The following PCDH15 variants were observed in gnomAD, a reference collection of about 807,000 sequenced individuals.
PCDH15 encodes protocadherin-15.
Under a neutral mutation model 178.5 loss-of-function variants are expected in PCDH15, and 129 were observed. That is an observed-to-expected ratio of 0.72 (90% CI 0.63 to 0.84). PCDH15 has a LOEUF of 0.84. Among genes scored for constraint, PCDH15 ranks in the 40% least tolerant of loss-of-function variants. PCDH15 has a pLI of 0.00. For synonymous variants in PCDH15, 800 were observed against 732.0 expected (o/e 1.09, Z -1.50); for missense variants, 2,230 against 2,099.9 (o/e 1.06, Z -1.21).
chr10:53,977,586 A>G (rs1323495921), intron 21 of PCDH15, among the ~76,000 whole-genome samples: 1 of 152,096 alleles, frequency 6.6e-6, no homozygotes, highest in Non-Finnish European at 1.5e-5. Flanking sequence ...ACATCATTCC[A>G]CCCTGGCCCC....
intron 1 of PCDH15, among the ~76,000 whole-genome samples, chr10:55,280,924 C>T (rs1383388028): frequency 2.0e-5 from 3 of 152,020 alleles, no homozygotes; most frequent in Non-Finnish European, 2.9e-5. Flanking sequence ...AGTGATAATA[C>T]AATTACTGAA....
At chr10:54,794,098 A>G (rs1257603108) in intron 1 of PCDH15, among the ~76,000 whole-genome samples, 2 of 147,200 alleles carry the variant, frequency 1.4e-5, no homozygotes, top group Non-Finnish European at 3.0e-5. Flanking sequence ...TTTAAGATAT[A>G]TATTTCTTTC....
intron 2 of PCDH15, among the ~76,000 whole-genome samples, chr10:55,030,508 C>G (rs1367093275): frequency 6.6e-6 from 1 of 151,976 alleles, no homozygotes; most frequent in Non-Finnish European, 1.5e-5. Flanking sequence ...ACAATCTGGA[C>G]GCTGAGCTCA....
At chr10:55,596,180 T>C (rs1842931724) in intron 2 of PCDH15, among the ~76,000 whole-genome samples, 1 of 152,066 alleles carries the variant, frequency 6.6e-6, no homozygotes, top group African/African-American at 2.4e-5. Context: ...ACAGCAAAAA[T>C]AATAAAATTA....
intron 2 of PCDH15, among the ~76,000 whole-genome samples, chr10:55,086,475 G>A (rs2132031213): frequency 6.6e-6 from 1 of 152,112 alleles, no homozygotes; most frequent in Admixed American, 6.6e-5. Context: ...TTACTTTTAT[G>A]TTTGCAAGTC....
At position 54,274,826 on chromosome 10, in the gene PCDH15, T is replaced by C. The variant is rs532273635; in HGVS notation, c.877-37895A>G. ...ATTTAAATTCCATTCATGGTAAAGA[T>C]TCTTAGCAAATAAAGAATAAATTGA... On this transcript the variant is annotated intron_variant, in intron 8 of 37. Coordinates refer to ENST00000644397, the MANE Select transcript of PCDH15 (RefSeq NM_001384140.1). Among the ~76,000 whole-genome samples, 9 of 152,130 alleles carry C rather than the reference T, an allele frequency of 5.9e-5. No individual in the cohort carries two copies. In the Middle Eastern group the frequency reaches 0.01, roughly 172 times the overall value.
At chr10:54,754,679 A>C (rs1230346573) in intron 1 of PCDH15, among the ~76,000 whole-genome samples, 1 of 152,042 alleles carries the variant, frequency 6.6e-6, no homozygotes, top group Non-Finnish European at 1.5e-5. Context: ...ATTACCTTAG[A>C]TTCCAATTCA....
chr10:53,995,817 T>C (rs559623514), intron 20 of PCDH15, 52 bp from the exon 21 acceptor site: 24 of 1,503,772 alleles, frequency 1.6e-5, no homozygotes, highest in East Asian at 2.3e-5. Context: ...AGGTTAGGGA[T>C]ACAGTTACTA....
At chr10:54,360,318 C>T (rs768855599) in intron 5 of PCDH15, among the ~76,000 whole-genome samples, 1 of 152,094 alleles carries the variant, frequency 6.6e-6, no homozygotes, top group South Asian at 2.1e-4. Context: ...GCTATATAAA[C>T]CGGCAATTTT....
At chr10:55,352,016 C>T (rs889496955) in intron 2 of PCDH15, among the ~76,000 whole-genome samples, 1 of 152,106 alleles carries the variant, frequency 6.6e-6, no homozygotes, top group Non-Finnish European at 1.5e-5. Context: ...CATTCTCTCC[C>T]TAAACCTTTG....
At chr10:55,089,093 G>A (rs1842251482) in intron 2 of PCDH15, among the ~76,000 whole-genome samples, 1 of 152,102 alleles carries the variant, frequency 6.6e-6, no homozygotes, top group Admixed American at 6.6e-5. Context: ...CTTTGAATAC[G>A]ATTATGTGAC....
In PCDH15 at chr10:54,473,762, A is replaced by T. The variant is rs7096839; in HGVS notation, c.157+54050T>A. 9.3e-3 allele frequency among the ~76,000 whole-genome samples: 1,421 copies of T among 152,070 alleles called. 14 individuals carry two copies. Among genetic ancestry groups the T allele is most frequent in the African/African-American group, 0.032 (1,333 of 41,554 alleles). On this transcript the variant is annotated intron_variant, in intron 3 of 37. Coordinates refer to ENST00000644397, the MANE Select transcript of PCDH15 (RefSeq NM_001384140.1). Reference sequence around the variant, plus strand: ...TTATCTTCAAGTAAACAAGAAATACATGAGTAACCCTCAGCATATTATAAA... The same window carrying T: ...TTATCTTCAAGTAAACAAGAAATACTTGAGTAACCCTCAGCATATTATAAA...
At chr10:54,443,771 C>A (rs1589438535) in intron 3 of PCDH15, among the ~76,000 whole-genome samples, 1 of 151,548 alleles carries the variant, frequency 6.6e-6, no homozygotes, top group South Asian at 2.1e-4. Context: ...TCTTTATTTT[C>A]ATTCTAGTGT....
At chr10:54,083,301 A>G (rs903660332) in intron 16 of PCDH15, among the ~76,000 whole-genome samples, 1 of 152,176 alleles carries the variant, frequency 6.6e-6, no homozygotes, top group Non-Finnish European at 1.5e-5. Flanking sequence ...AAAGCCAAAC[A>G]CAGGTACTTA....
chr10:53,939,195 A>G (rs2085838089), intron 24 of PCDH15, among the ~76,000 whole-genome samples: 1 of 152,008 alleles, frequency 6.6e-6, no homozygotes, highest in South Asian at 2.1e-4. Flanking sequence ...TTGTTTTGAG[A>G]TAATCCTGGA....
In PCDH15 at chr10:53,851,890, G is replaced by T. The variant is rs546023658; in HGVS notation, c.3806+5285C>A. 2.0e-5 allele frequency among the ~76,000 whole-genome samples: 3 copies of T among 151,366 alleles called. No individual in the cohort carries two copies. The South Asian group carries it at 6.2e-4, about 32-fold the overall frequency. On this transcript the variant is annotated intron_variant, in intron 28 of 37. Coordinates refer to ENST00000644397, the MANE Select transcript of PCDH15 (RefSeq NM_001384140.1). The stretch of plus-strand genomic sequence containing the variant: ...TGCTACATAAATATTTCATAAAGTT[G>T]AGGCTCTTCCTCATCAAGTCAGTAA...
Position 54,663,296 on chromosome 10 carries a change from A to C in PCDH15, c.91+876T>G, listed in dbSNP as rs1467820795. Among the ~76,000 whole-genome samples, 4 of 151,946 alleles carry C rather than the reference A, an allele frequency of 2.6e-5. No homozygotes were observed. The East Asian group carries it at 7.7e-4, about 29-fold the overall frequency. On this transcript the variant is annotated intron_variant, in intron 2 of 37. Transcript: ENST00000644397. ...GCTTGTCTGTGCATCATGAATGCCA[A>C]ACAAATCTTGAATAAGAACGAGGAA...
chr10:54,027,427 T>C (rs1034798258), intron 18 of PCDH15, among the ~76,000 whole-genome samples: 15 of 152,100 alleles, frequency 9.9e-5, no homozygotes, highest in South Asian at 4.2e-4. Flanking sequence ...CTTCACAGAA[T>C]TGGAAAAAAC....
At chr10:55,257,498 C>G (rs1842029976) in intron 1 of PCDH15, among the ~76,000 whole-genome samples, 1 of 152,034 alleles carries the variant, frequency 6.6e-6, no homozygotes, top group Admixed American at 6.6e-5. Flanking sequence ...GAATGGCTAA[C>G]TAGAATAACC....
Sources: allele counts gnomAD v4.1 joint callset (sites outside exome capture counted in the v4.1 genomes callset), GRCh38; gene constraint gnomAD v4.1.1; transcripts MANE v1.5; gene names NCBI Gene and HGNC (gene_info 2026-07-23, HGNC 2026-07-21).